DNAH7: variants seen among roughly 807,000 people sequenced by gnomAD.
DNAH7 encodes dynein axonemal heavy chain 7, also known as axonemal beta dynein heavy chain 7.
In DNAH7, 397 loss-of-function variants were observed where a neutral mutation model predicts 444.6. The observed-to-expected ratio is 0.89, with a 90% confidence interval of 0.82 to 0.97. DNAH7 has a LOEUF of 0.97. Among genes scored for constraint, DNAH7 ranks in the 50% least tolerant of loss-of-function variants. DNAH7 has a pLI of 0.00. For synonymous variants in DNAH7, 1,636 were observed against 1,624.4 expected (o/e 1.01, Z -0.17); for missense variants, 4,902 against 4,800.8 (o/e 1.02, Z -0.62).
chr2:195,979,455 C>G (rs1330077159), intron 15 of DNAH7, among the ~76,000 whole-genome samples: 2 of 151,968 alleles, frequency 1.3e-5, no homozygotes, highest in African/African-American at 4.8e-5. Flanking sequence ...ATACCAAAAC[C>G]TATGGGACAC....
rs2125914612 is a variant in DNAH7, at chr2:196,068,801, T to C, written c.-90A>G. On this transcript the variant is annotated 5_prime_UTR_variant, in exon 1 of 65. Transcript: ENST00000312428. ...ACGATAGAGGCAGGGCCCCGGGACT[T>C]GCAGCGGTCTCAGCTCCCTCCGCAC... The C allele has an allele frequency of 1.3e-6, 2 of 1,506,186 alleles. No individual in the cohort carries two copies. The highest frequency in any genetic ancestry group is 1.8e-6 in the Non-Finnish European group (2 of 1,114,552). 93.3% of individuals were successfully genotyped at this position (1,506,186 alleles called of 1,614,324 possible). A position where few individuals can be genotyped will look rare whatever the true frequency, so the allele number is the denominator to read the frequency against.
At chr2:195,833,380 C>T (rs1341955565) in intron 48 of DNAH7, among the ~76,000 whole-genome samples, 1 of 152,138 alleles carries the variant, frequency 6.6e-6, no homozygotes, top group East Asian at 1.9e-4. Flanking sequence ...AAGACTAACT[C>T]CCTCTTAATG....
In DNAH7 at chr2:196,036,976, T is replaced by C. The variant is rs188982732; in HGVS notation, c.399-8929A>G. On this transcript the variant is annotated intron_variant, in intron 5 of 64. Transcript: ENST00000312428. ...CCACACACCCCTCCTGGGACCCAGA[T>C]ACTGCCCTCCATGAGTCATACCAAA... Among the ~76,000 whole-genome samples the C allele has an allele frequency of 1.5e-3, 225 of 152,046 alleles. 2 individuals carry two copies. Among genetic ancestry groups the C allele is most frequent in the Non-Finnish European group, 6.5e-4 (44 of 67,972 alleles).
chr2:195,818,053 G>C (rs1697304407), intron 49 of DNAH7, among the ~76,000 whole-genome samples: 1 of 152,052 alleles, frequency 6.6e-6, no homozygotes, highest in South Asian at 2.1e-4. Flanking sequence ...TACCTCAAAG[G>C]GTTTGTTTGG....
intron 24 of DNAH7, among the ~76,000 whole-genome samples, chr2:195,915,564 TTCTA>T (rs1264000724): frequency 6.6e-6 from 1 of 152,182 alleles, no homozygotes; most frequent in Non-Finnish European, 1.5e-5. Context: ...AGCAGAATCT[TTCTA>T]TCTTTCCTCT....
intron 63 of DNAH7, among the ~76,000 whole-genome samples, chr2:195,746,303 C>G (rs1693399028): frequency 6.6e-6 from 1 of 152,012 alleles, no homozygotes; most frequent in South Asian, 2.1e-4. Context: ...GCTAACTATC[C>G]TAAATATATA....
rs190059836 is a variant in DNAH7, at chr2:196,066,071, C to G, written c.15+2626G>C. ...TCTAAAATTAAAATTGCTAAGGAGT[C>G]TGGGTCTTCCTTAAATAGCCTGGCT... is the stretch of plus-strand genomic sequence containing the variant. On this transcript the variant is annotated intron_variant, in intron 1 of 64. Coordinates refer to ENST00000312428, the MANE Select transcript of DNAH7 (RefSeq NM_018897.3). Among the ~76,000 whole-genome samples, 374 of 152,286 alleles carry G rather than the reference C, an allele frequency of 2.5e-3. 2 individuals are homozygous for G. Among genetic ancestry groups the G allele is most frequent in the South Asian group, 5.8e-3 (28 of 4,826 alleles).
intron 20 of DNAH7, 108 bp downstream of exon 20, chr2:195,936,491 A>G: frequency 1.5e-6 from 1 of 685,590 alleles, no homozygotes; most frequent in East Asian, 3.3e-5. Context: ...ATTCTTGTAG[A>G]AAAAATATTA....
At chr2:195,967,301 T>C (rs1691547651) in intron 17 of DNAH7, among the ~76,000 whole-genome samples, 1 of 152,212 alleles carries the variant, frequency 6.6e-6, no homozygotes, top group Non-Finnish European at 1.5e-5. Flanking sequence ...TTATATCTTT[T>C]TGTACTGTTT....
At chr2:195,892,747 C>T (rs1230176591) in intron 30 of DNAH7, 1 of 151,422 alleles carries the variant, frequency 6.6e-6, no homozygotes, top group African/African-American at 2.4e-5. Context: ...TATCATTATC[C>T]CCCATTATAG....
intron 37 of DNAH7, 71 bp from the exon 38 acceptor site, chr2:195,875,914 AT>A: frequency 7.2e-7 from 1 of 1,385,272 alleles, no homozygotes; most frequent in Non-Finnish European, 9.7e-7. Context: ...TGTAAACAAT[AT>A]TGAGGCAAAT....
At chr2:195,786,931 AG>A in intron 58 of DNAH7, 78 bp downstream of exon 58, 1 of 1,392,444 alleles carries the variant, frequency 7.2e-7, no homozygotes, top group Non-Finnish European at 9.6e-7. Context: ...ATTAATCAGA[AG>A]TGCCCACTTA....
intron 62 of DNAH7, among the ~76,000 whole-genome samples, chr2:195,755,175 CT>C (rs970498421): frequency 6.6e-6 from 1 of 152,206 alleles, no homozygotes; most frequent in African/African-American, 2.4e-5. Flanking sequence ...ATGTTTTTCA[CT>C]TTTCTTCTCT....
At chr2:195,793,320 C>G (rs1449091508) in intron 57 of DNAH7, among the ~76,000 whole-genome samples, 3 of 152,198 alleles carry the variant, frequency 2.0e-5, no homozygotes, top group African/African-American at 7.2e-5. Context: ...TTATGATGTG[C>G]TGCTTTGGCA....
At chr2:195,855,117 T>C (rs944797552) in intron 45 of DNAH7, among the ~76,000 whole-genome samples, 2 of 152,294 alleles carry the variant, frequency 1.3e-5, no homozygotes, top group South Asian at 2.1e-4. Context: ...TACAAAATCA[T>C]TACTTCCCTC....
intron 49 of DNAH7, among the ~76,000 whole-genome samples, chr2:195,820,265 G>C (rs531717050): frequency 2.0e-4 from 30 of 151,986 alleles, no homozygotes; most frequent in African/African-American, 5.5e-4. Context: ...TGGACACAGG[G>C]AGGGGGACAT....
intron 15 of DNAH7, among the ~76,000 whole-genome samples, chr2:195,974,605 A>G (rs1367041444): frequency 6.6e-6 from 1 of 152,202 alleles, no homozygotes; most frequent in Admixed American, 6.5e-5. Context: ...TCATTTTCCC[A>G]AAGGAATTTT....
intron 5 of DNAH7, among the ~76,000 whole-genome samples, chr2:196,041,785 T>C (rs1696777561): frequency 6.6e-6 from 1 of 151,730 alleles, no homozygotes; most frequent in African/African-American, 2.4e-5. Context: ...GGAGAAAATA[T>C]TTGCAAACTA....
chr2:195,991,913 T>C (rs568718471), intron 12 of DNAH7, among the ~76,000 whole-genome samples: 77 of 152,332 alleles, frequency 5.1e-4, no homozygotes, highest in Non-Finnish European at 7.9e-4. Flanking sequence ...ATCTAATTAA[T>C]GTACATCAGT....
Sources: gnomAD v4.1 joint callset for allele counts (sites outside exome capture counted in the v4.1 genomes callset) on GRCh38, gnomAD v4.1.1 for gene constraint, MANE v1.5 for transcripts, NCBI Gene and HGNC (gene_info 2026-07-23, HGNC 2026-07-21) for gene names.